The following ECRG4 variants were observed in gnomAD, a reference collection of about 807,000 sequenced individuals.
ECRG4 encodes the protein ECRG4 augurin precursor.
Under a neutral mutation model 15.8 loss-of-function variants are expected in ECRG4, and 18 were observed. That is an observed-to-expected ratio of 1.14 (90% CI 0.79 to 1.69). ECRG4 has a LOEUF of 1.69. Ranked by LOEUF, ECRG4 falls within the 40% of genes most tolerant of loss-of-function variation. The probability of loss-of-function intolerance (pLI) is 0.00; values close to 1 mark genes in which losing one functional copy is unlikely to be tolerated. For missense variants in ECRG4, 200 were observed against 190.9 expected (o/e 1.05, Z -0.28); for synonymous variants, 82 against 73.9 (o/e 1.11, Z -0.56).
At chr2:106,067,747 T>C (rs1676255980) in intron 1 of ECRG4, among the ~76,000 whole-genome samples, 1 of 152,176 alleles carries the variant, frequency 6.6e-6, no homozygotes, top group African/African-American at 2.4e-5. Context: ...CCTCCCAAAG[T>C]GCTGGGATTA....
intron 2 of ECRG4, among the ~76,000 whole-genome samples, chr2:106,072,986 C>A (rs925061119): frequency 5.9e-5 from 9 of 152,230 alleles, no homozygotes; most frequent in Admixed American, 3.9e-4. Context: ...AACAGTGTTA[C>A]AATCCCTCAA....
chr2:106,071,322 T>TAAAAAAAAAAAAAAAAAAAAAAAAAAAA lies in ECRG4; in HGVS notation c.80-519_80-492dup, dbSNP rs10649647. Reference sequence around the variant, plus strand: ...ACCCTCTCAGTGATGGGTAAGGCTGTAAAAAAAAAAAAAAAAAAAAAAAAA... The same window carrying TAAAAAAAAAAAAAAAAAAAAAAAAAAAA: ...ACCCTCTCAGTGATGGGTAAGGCTGTAAAAAAAAAAAAAAAAAAAAAAAAAAAAAAAAAAAAAAAAAAAAAAAAAAAAA... On this transcript the variant is annotated intron_variant, in intron 1 of 3. Transcript: ENST00000238044. Among the ~76,000 whole-genome samples, 74 of 78,322 alleles carry TAAAAAAAAAAAAAAAAAAAAAAAAAAAA rather than the reference T, an allele frequency of 9.4e-4. 1 individual carries two copies. The highest frequency in any genetic ancestry group is 1.0e-3 in the Non-Finnish European group (45 of 43,410). 51.4% of individuals were successfully genotyped at this position (78,322 alleles called of 152,430 possible).
chr2:106,068,143 CCTCA>C (rs1676265911), intron 1 of ECRG4, among the ~76,000 whole-genome samples: 1 of 152,086 alleles, frequency 6.6e-6, no homozygotes, highest in Admixed American at 6.5e-5. Flanking sequence ...CCACGCCCTT[CCTCA>C]CTCACAAACA....
intron 1 of ECRG4, chr2:106,070,712 T>A (rs1458015420): frequency 3.8e-6 from 1 of 262,860 alleles, no homozygotes; most frequent in East Asian, 9.3e-5. Context: ...CTTTTAAGAG[T>A]CTGGCAAAAG....
chr2:106,075,737 AAGAG>A (rs1553412563), intron 3 of ECRG4, among the ~76,000 whole-genome samples: 2 of 152,058 alleles, frequency 1.3e-5, no homozygotes, highest in Non-Finnish European at 1.5e-5. Context: ...AGAAAAAAAA[AAGAG>A]AGTTTAACAT....
intron 1 of ECRG4, among the ~76,000 whole-genome samples, chr2:106,071,468 A>AGGACC (rs1676372301): frequency 6.6e-6 from 1 of 152,054 alleles, no homozygotes; most frequent in Non-Finnish European, 1.5e-5. Context: ...TTTCTGGTGG[A>AGGACC]TAGGGGTTTC....
chr2:106,075,015 C>CT (rs375901148), intron 3 of ECRG4, among the ~76,000 whole-genome samples: 3,606 of 149,716 alleles, frequency 0.024, 145 homozygotes, highest in African/African-American at 0.08. Context: ...TGTCTTTTTG[C>CT]TTTTTTTTTT....
chr2:106,071,132 C>T, intron 1 of ECRG4: 1 of 408,088 alleles, frequency 2.5e-6, no homozygotes. Flanking sequence ...CTGGGCTGCA[C>T]TTTTAGAGAG....
intron 1 of ECRG4, among the ~76,000 whole-genome samples, chr2:106,067,262 A>G (rs1023850413): frequency 2.0e-5 from 3 of 152,064 alleles, no homozygotes; most frequent in Non-Finnish European, 4.4e-5. Flanking sequence ...ATTGCACTCC[A>G]GCCTGGGTAA....
Position 106,073,967 on chromosome 2 carries a change from G to A in ECRG4, c.209G>A (p.Arg70Gln), listed in dbSNP as rs770333533. Residue 70 changes from arginine (R) to glutamine (Q), a missense_variant, in exon 3 of 4, where the codon CGG (arginine) becomes CAG (glutamine). By Grantham distance (43) the Arg-to-Gln change is conservative. Transcript: ENST00000238044. ...CTTGGCAGCCTGAAGCGCCAGAAGC[G>A]GCAGCTGTGGGACCGGACTCGGCCC... is the stretch of plus-strand genomic sequence containing the variant. ...EFLGSLKRQK[R>Q]QLWDRTRPEV... is the part of the protein sequence containing the mutation. 4.0e-5 allele frequency: 64 copies of A among 1,614,086 alleles called. No individual in the cohort carries two copies. Among genetic ancestry groups the A allele is most frequent in the Non-Finnish European group, 4.4e-5 (52 of 1,180,052 alleles).
chr2:106,066,419 G>A (rs1366316610), intron 1 of ECRG4, among the ~76,000 whole-genome samples: 1 of 152,196 alleles, frequency 6.6e-6, no homozygotes, highest in Non-Finnish European at 1.5e-5. Flanking sequence ...TTCTCTGCTC[G>A]CTCTCTGTAA....
chr2:106,064,930 T>C (rs1219684163), upstream of ECRG4, among the ~76,000 whole-genome samples: 1 of 152,102 alleles, frequency 6.6e-6, no homozygotes, highest in Non-Finnish European at 1.5e-5. Context: ...CAGTTCTGCG[T>C]TTCCCTTGGG....
In ECRG4 at chr2:106,077,864, A is replaced by G. The variant is rs769945889; in HGVS notation, c.385A>G (p.Ile129Val). Residue 129 changes from isoleucine to valine, a missense_variant, in exon 4 of 4, where the codon ATT (isoleucine) becomes GTT (valine). Physicochemically the swap from Ile to Val is conservative, Grantham distance 29. Coordinates refer to ENST00000238044, the MANE Select transcript of ECRG4 (RefSeq NM_032411.3). ...ACGTCACTATGATGAAGACTCTGCA[A>G]TTGGTCCCCGGAGCCCCTACGGCTT... Reference protein sequence around the residue: ...YQRHYDEDSAIGPRSPYGFRH... With the variant: ...YQRHYDEDSAVGPRSPYGFRH... 1 of 1,614,174 alleles carries G rather than the reference A, an allele frequency of 6.2e-7. No individual in the cohort carries two copies.
chr2:106,066,907 T>C (rs866303536), intron 1 of ECRG4, among the ~76,000 whole-genome samples: 36 of 151,942 alleles, frequency 2.4e-4, no homozygotes, highest in African/African-American at 7.5e-4. Flanking sequence ...TGGGGAGGAT[T>C]ATTGTTCCAC....
At chr2:106,064,318 G>A (rs1234784153), upstream of ECRG4, 1 of 152,206 alleles carries the variant, frequency 6.6e-6, no homozygotes, top group African/African-American at 2.4e-5. Flanking sequence ...TCCTGCTGGA[G>A]AAATTCAACT....
intron 1 of ECRG4, among the ~76,000 whole-genome samples, chr2:106,068,522 G>T (rs1412330929): frequency 6.6e-6 from 1 of 152,130 alleles, no homozygotes; most frequent in African/African-American, 2.4e-5. Context: ...TATAGCTAAG[G>T]TTTGGCGAGG....
At position 106,074,014 on chromosome 2, in the gene ECRG4, C is replaced by A. The variant is rs141624732; in HGVS notation, c.256C>A (p.Gln86Lys). The A allele has an allele frequency of 3.6e-5, 58 of 1,613,490 alleles. No individual in the cohort carries two copies. The highest frequency in any genetic ancestry group is 4.8e-5 in the Non-Finnish European group (57 of 1,180,054). ...TRPEVQQWYQ[Q>K]FLYMGFDEAK... ...GCCCGAGGTGCAGCAGTGGTACCAG[C>A]AGTTTCTCTACATGGGCTTTGACGA... is the stretch of plus-strand genomic sequence containing the variant. Residue 86 changes from glutamine (Q) to lysine (K), a missense_variant, in exon 3 of 4, where the codon CAG becomes AAG. Transcript: ENST00000238044.
Position 106,077,920 on chromosome 2 carries a change from C to T in ECRG4, c.441C>T (p.Asp147=), listed in dbSNP as rs1171544389. 2 of 1,613,656 alleles carry T rather than the reference C, an allele frequency of 1.2e-6. No individual in the cohort carries two copies. Among genetic ancestry groups the T allele is most frequent in the African/African-American group, 2.7e-5 (2 of 74,926 alleles). ...FRHGASVNYD[D]Y is the part of the protein sequence containing the mutation. Reference sequence around the variant, plus strand: ...ATGGAGCCAGCGTCAACTACGATGACTACTAACCATGACTTGCCACACGCT... The same window carrying T: ...ATGGAGCCAGCGTCAACTACGATGATTACTAACCATGACTTGCCACACGCT... The change falls in exon 4 of 4, where the codon GAC becomes GAT. Residue 147 remains aspartate, a synonymous_variant. Coordinates refer to ENST00000238044, the MANE Select transcript of ECRG4 (RefSeq NM_032411.3).
intron 1 of ECRG4, among the ~76,000 whole-genome samples, chr2:106,067,216 T>C (rs956187238): frequency 4.0e-5 from 6 of 151,856 alleles, no homozygotes; most frequent in African/African-American, 1.2e-4. Flanking sequence ...TGCTTGAATC[T>C]GGGAGGAGGA....
Sources: gnomAD v4.1 joint callset for allele counts (sites outside exome capture counted in the v4.1 genomes callset) on GRCh38, gnomAD v4.1.1 for gene constraint, MANE v1.5 for transcripts, NCBI Gene and HGNC (gene_info 2026-07-23, HGNC 2026-07-21) for gene names.